The following SP140L variants were observed in gnomAD, a reference collection of about 807,000 sequenced individuals.
SP140L encodes SP140 like nuclear body protein.
In SP140L, 64 loss-of-function variants were observed where a neutral mutation model predicts 84.3. The observed-to-expected ratio is 0.76, with a 90% confidence interval of 0.62 to 0.94. The LOEUF is 0.94. Ranked by LOEUF, SP140L falls within the 40% of genes least tolerant of loss-of-function variation. SP140L has a pLI of 0.00. For synonymous variants in SP140L, 242 were observed against 236.9 expected (o/e 1.02, Z -0.20); for missense variants, 628 against 692.5 (o/e 0.91, Z 1.05).
intron 18 of SP140L, among the ~76,000 whole-genome samples, chr2:230,402,035 C>G (rs1441393399): frequency 2.0e-5 from 3 of 152,226 alleles, no homozygotes; most frequent in Non-Finnish European, 4.4e-5. Context: ...GCTCCTCCCC[C>G]ACCTGCCCCA....
intron 2 of SP140L, among the ~76,000 whole-genome samples, chr2:230,347,475 G>A (rs2060242601): frequency 6.6e-6 from 1 of 152,036 alleles, no homozygotes; most frequent in Admixed American, 6.6e-5. Context: ...CTGTCAGATG[G>A]GATCATTCTC....
At chr2:230,400,744 C>T (rs2062293827) in intron 15 of SP140L, 1 of 1,182,748 alleles carries the variant, frequency 8.5e-7, no homozygotes, top group Admixed American at 2.3e-5. Context: ...CACCACCTTC[C>T]TGAGGCTTCC....
intron 10 of SP140L, 25 bp from the exon 11 acceptor site, chr2:230,389,894 A>G: frequency 6.2e-7 from 1 of 1,610,920 alleles, no homozygotes; most frequent in Non-Finnish European, 8.5e-7. Flanking sequence ...AAAGTGAGAC[A>G]GAATGAAGAA....
chr2:230,392,645 T>G (rs1057359278), intron 12 of SP140L, among the ~76,000 whole-genome samples: 1 of 152,182 alleles, frequency 6.6e-6, no homozygotes, highest in African/African-American at 2.4e-5. Context: ...ATGGGTTGTG[T>G]ACAATAAGGC....
chr2:230,389,020 G>C (rs1009501885), intron 10 of SP140L, among the ~76,000 whole-genome samples: 4 of 152,196 alleles, frequency 2.6e-5, no homozygotes, highest in Admixed American at 6.5e-5. Flanking sequence ...AGAGATCTGT[G>C]TCCTAAGGCT....
At position 230,327,224 on chromosome 2, in the gene SP140L, C is replaced by G. The variant is rs753870733; in HGVS notation, c.-46C>G. 1 of 1,588,246 alleles carries G rather than the reference C, an allele frequency of 6.3e-7. No individual in the cohort carries two copies. Among genetic ancestry groups the G allele is most frequent in the South Asian group, 1.1e-5 (1 of 87,554 alleles). On this transcript the variant is annotated 5_prime_UTR_variant, in exon 1 of 19. Transcript: ENST00000415673. Reference sequence around the variant, plus strand: ...CACGCAGGCTGGGCCGACTGGGGAGCTCATAGGCCAGGCTCTGACACCCAG... The same window carrying G: ...CACGCAGGCTGGGCCGACTGGGGAGGTCATAGGCCAGGCTCTGACACCCAG...
chr2:230,377,810 T>G (rs545628267), intron 7 of SP140L, among the ~76,000 whole-genome samples: 1 of 152,022 alleles, frequency 6.6e-6, no homozygotes, highest in South Asian at 2.1e-4. Context: ...TACTTGATAG[T>G]GTTAGTAAAA....
intron 4 of SP140L, among the ~76,000 whole-genome samples, chr2:230,361,146 C>T (rs917796233): frequency 6.6e-6 from 1 of 152,214 alleles, no homozygotes; most frequent in East Asian, 1.9e-4. Flanking sequence ...GACACAAGGT[C>T]TTGCTATGTG....
chr2:230,362,216 G>C (rs1354839232), intron 5 of SP140L, among the ~76,000 whole-genome samples: 1 of 152,166 alleles, frequency 6.6e-6, no homozygotes, highest in Non-Finnish European at 1.5e-5. Flanking sequence ...CTTTCCAAAA[G>C]TCACCTTATT....
chr2:230,355,108 C>T (rs1277990240), intron 2 of SP140L, among the ~76,000 whole-genome samples: 1 of 151,672 alleles, frequency 6.6e-6, no homozygotes, highest in African/African-American at 2.4e-5. Context: ...TCCTGACCAG[C>T]GAAATAAGAT....
intron 7 of SP140L, among the ~76,000 whole-genome samples, chr2:230,380,474 G>A (rs1476784714): frequency 2.0e-5 from 3 of 152,154 alleles, no homozygotes; most frequent in African/African-American, 4.8e-5. Context: ...ACTTCTGCAT[G>A]CATTCTTTTT....
At chr2:230,373,101 G>A (rs147647813) in intron 7 of SP140L, among the ~76,000 whole-genome samples, 2 of 152,304 alleles carry the variant, frequency 1.3e-5, no homozygotes, top group African/African-American at 2.4e-5. Context: ...CATAAGAAAA[G>A]TCTGAAGGTA....
At chr2:230,380,172 CAG>C (rs67844687) in intron 7 of SP140L, among the ~76,000 whole-genome samples, 34,935 of 152,014 alleles carry the variant, frequency 0.23, 4,235 homozygotes, top group Non-Finnish European at 0.28. Context: ...CAGGCAAAGA[CAG>C]AGTGAAAAAC....
At chr2:230,379,233 T>C (rs1031589126) in intron 7 of SP140L, among the ~76,000 whole-genome samples, 2 of 152,178 alleles carry the variant, frequency 1.3e-5, no homozygotes, top group African/African-American at 4.8e-5. Context: ...ATTCCAGATG[T>C]ATATGGACCT....
chr2:230,393,370 A>G (rs1428791377), intron 12 of SP140L, 44 bp from the exon 13 acceptor site: 7 of 1,551,936 alleles, frequency 4.5e-6, no homozygotes, highest in Admixed American at 2.0e-5. Flanking sequence ...CTCACAAAAC[A>G]GAAACGCAGG....
intron 2 of SP140L, among the ~76,000 whole-genome samples, chr2:230,345,058 T>C (rs1466826397): frequency 1.3e-5 from 2 of 152,232 alleles, no homozygotes; most frequent in African/African-American, 4.8e-5. Flanking sequence ...TCCTTATGAT[T>C]TTCTGTCTGA....
chr2:230,401,911 G>C (rs141046703), intron 18 of SP140L, 104 bp downstream of exon 18: 2 of 1,250,148 alleles, frequency 1.6e-6, no homozygotes, highest in African/African-American at 1.5e-5. Context: ...AAGCTTGCAC[G>C]AGCAAGGGTT....
intron 14 of SP140L, among the ~76,000 whole-genome samples, chr2:230,397,262 A>G (rs1007613562): frequency 6.6e-6 from 1 of 152,190 alleles, no homozygotes; most frequent in African/African-American, 2.4e-5. Flanking sequence ...CATCAGCCAG[A>G]AGGAACAGAC....
Position 230,359,106 on chromosome 2 carries a change from T to A in SP140L, c.413T>A (p.Ile138Asn). 6.2e-7 allele frequency: 1 copy of A among 1,604,622 alleles called. No individual in the cohort carries two copies. Among genetic ancestry groups the A allele is most frequent in the Non-Finnish European group, 8.5e-7 (1 of 1,177,864 alleles). ...AACATGCAGGAATACCCCGATTTAA[T>A]TCACATTTATAAAAGCTTCAAAAAT... is the stretch of plus-strand genomic sequence containing the variant. Reference protein sequence around the residue: ...EVNMQEYPDLIHIYKSFKNAI... With the variant: ...EVNMQEYPDLNHIYKSFKNAI... The change falls in exon 4 of 19, where the codon ATT (isoleucine) becomes AAT (asparagine). Residue 138 changes from isoleucine (I) to asparagine (N), a missense_variant. This residue lies in a region of SP140L where 525 missense variants were observed against 518.4 expected (regional missense o/e 1.01). Transcript: ENST00000415673.
Sources: allele counts gnomAD v4.1 joint callset (sites outside exome capture counted in the v4.1 genomes callset), GRCh38; gene constraint gnomAD v4.1.1; regional missense constraint gnomAD v4.1.1; transcripts MANE v1.5; gene names NCBI Gene and HGNC (gene_info 2026-07-23, HGNC 2026-07-21).